The following NKAIN4 variants were observed in gnomAD, a reference collection of about 807,000 sequenced individuals.
The protein encoded by NKAIN4 is sodium/potassium-transporting ATPase subunit beta-1-interacting protein 4.
NKAIN4 carries 28 observed loss-of-function variants against 28.8 expected under a neutral mutation model. The ratio of observed to expected loss-of-function variants is 0.97; its 90% CI spans 0.72 to 1.33. The LOEUF (loss-of-function observed/expected upper bound fraction) is 1.33. Ranked by LOEUF, NKAIN4 falls within the 40% of genes most tolerant of loss-of-function variation. The probability of loss-of-function intolerance (pLI) is 0.00; values close to 1 mark genes in which losing one functional copy is unlikely to be tolerated. For missense variants in NKAIN4, 289 were observed against 277.2 expected, an observed-to-expected ratio of 1.04 and a Z score of -0.30; for synonymous variants, 122 against 115.6, an observed-to-expected ratio of 1.06 and a Z score of -0.36.
At position 63,247,562 on chromosome 20, in the gene NKAIN4, C is replaced by A. The variant is rs754541447; in HGVS notation, c.471+16G>T. The stretch of plus-strand genomic sequence containing the variant: ...TCAACCCATCCCCACCCGGGGGCCC[C>A]CTTCCCCACGCTCACCGCGATCAGG... On this transcript the variant is annotated intron_variant, in intron 4 of 6. Transcript: ENST00000370316. 107 of 1,546,352 alleles carry A rather than the reference C, an allele frequency of 6.9e-5. No individual in the cohort carries two copies. The highest frequency in any genetic ancestry group is 9.3e-5 in the Non-Finnish European group (106 of 1,144,490).
At chr20:63,243,039 C>A (rs920826937) in intron 5 of NKAIN4, among the ~76,000 whole-genome samples, 1 of 152,238 alleles carries the variant, frequency 6.6e-6, no homozygotes, top group African/African-American at 2.4e-5. Flanking sequence ...CCGTCATGTT[C>A]AGACCGATGG....
chr20:63,253,869 C>A (rs1293840527), intron 1 of NKAIN4: 1 of 152,980 alleles, frequency 6.5e-6, no homozygotes, highest in South Asian at 2.0e-4. Flanking sequence ...CCGGTTTGCT[C>A]GCGGGTGGGC....
rs2066776704 is a variant in NKAIN4 at position 63,242,625 on chromosome 20, T to C, written c.533-2A>G. The C allele has an allele frequency of 6.2e-7, 1 of 1,609,512 alleles. No individual in the cohort carries two copies. The highest frequency in any genetic ancestry group is 8.5e-7 in the Non-Finnish European group (1 of 1,176,350). On this transcript the variant is annotated splice_acceptor_variant, in intron 5 of 6. Coordinates refer to ENST00000370316, the MANE Select transcript of NKAIN4 (RefSeq NM_152864.4). LOFTEE classifies it high-confidence loss of function. The stretch of plus-strand genomic sequence containing the variant: ...GATCAAATCCACCAATGAAATCAAC[T>C]GAAAGAAATCAAGACCCAAATAAAA...
At chr20:63,246,051 C>G (rs954597568) in intron 4 of NKAIN4, among the ~76,000 whole-genome samples, 1 of 152,120 alleles carries the variant, frequency 6.6e-6, no homozygotes, top group Non-Finnish European at 1.5e-5. Flanking sequence ...CTTCAGCCTC[C>G]CGAGGAGCTG....
intron 1 of NKAIN4, among the ~76,000 whole-genome samples, chr20:63,253,647 C>G (rs964141188): frequency 1.6e-4 from 24 of 152,238 alleles, no homozygotes; most frequent in African/African-American, 5.3e-4. Flanking sequence ...GCCCCCTCCC[C>G]CGAGGGCACC....
chr20:63,243,709 C>G (rs2066803738), intron 5 of NKAIN4: 1 of 247,576 alleles, frequency 4.0e-6, no homozygotes, highest in South Asian at 1.1e-4. Flanking sequence ...CGGCCTGGAC[C>G]TGGGCAGTCT....
Position 63,247,652 on chromosome 20 carries a change from C to G in NKAIN4, c.397G>C (p.Val133Leu). 6.5e-7 allele frequency: 1 copy of G among 1,547,402 alleles called. No individual in the cohort carries two copies. Among genetic ancestry groups the G allele is most frequent in the Non-Finnish European group, 8.7e-7 (1 of 1,145,230 alleles). Residue 133 changes from valine to leucine, a missense_variant, in exon 4 of 7, where the codon GTG becomes CTG. Transcript: ENST00000370316. ...TCCAGGGCACAGCCAGCACCTGACA[C>G]CAGGGCCTGGCCATGGGGGGCCCCG... ...GLGAPHGQAL[V>L]SGAGCALEPS...
At chr20:63,254,302 C>G in intron 1 of NKAIN4, 95 bp downstream of exon 1, 3 of 1,021,570 alleles carry the variant, frequency 2.9e-6, no homozygotes, top group Non-Finnish European at 3.9e-6. Flanking sequence ...ACCCAGCGAA[C>G]GGGCCCCGGG....
upstream of NKAIN4, chr20:63,254,797 C>T (rs988799136): frequency 9.3e-6 from 2 of 215,338 alleles, no homozygotes; most frequent in African/African-American, 2.3e-5. Context: ...GACCGGCGTC[C>T]GCCCCCTCCT....
At position 63,251,358 on chromosome 20, in the gene NKAIN4, C is replaced by A. The variant is rs562308818; in HGVS notation, c.55-1286G>T. On this transcript the variant is annotated intron_variant, in intron 1 of 6. Transcript: ENST00000370316. ...GGTTAGGCCTCCGGATAACTGCGGG[C>A]GGGCCTGACTGATGTCAGGTCCTCC... Among the ~76,000 whole-genome samples, 36 of 152,286 alleles carry A rather than the reference C, an allele frequency of 2.4e-4. No individual in the cohort carries two copies. The South Asian group carries it at 7.0e-3, about 30-fold the overall frequency.
upstream of NKAIN4, chr20:63,254,522 C>A (rs1480732936): frequency 1.8e-6 from 2 of 1,140,674 alleles, no homozygotes; most frequent in African/African-American, 1.6e-5. Context: ...CCGCTCCCCA[C>A]GCGCCGCAGC....
chr20:63,247,938 T>C (rs1247646263), intron 3 of NKAIN4, among the ~76,000 whole-genome samples, 163 bp from the exon 4 acceptor site: 1 of 152,098 alleles, frequency 6.6e-6, no homozygotes, highest in Non-Finnish European at 1.5e-5. Context: ...CCAGCCATGG[T>C]GGGGAAAGGA....
chr20:63,250,574 G>A (rs1481472456), intron 1 of NKAIN4, among the ~76,000 whole-genome samples: 2 of 133,666 alleles, frequency 1.5e-5, no homozygotes, highest in East Asian at 2.0e-4. Context: ...CCTGCATCTC[G>A]GCCTTGGGGA....
In NKAIN4 at chr20:63,253,601, A is replaced by C. The variant is rs991764765; in HGVS notation, c.54+796T>G. 1.7e-5 allele frequency: 14 copies of C among 802,450 alleles called. No homozygotes were observed. The African/African-American group carries it at 2.2e-4, about 13-fold the overall frequency. The allele number at this position is 802,450 out of a possible 1,614,324, so 49.7% of individuals were successfully genotyped here. A position where few individuals can be genotyped will look rare whatever the true frequency, so the allele number is the denominator to read the frequency against. ...GGGCCAATTAGCATCGAAGCAAAGC[A>C]GCTTCCCCAGCCTGGACAGGCGAGG... On this transcript the variant is annotated intron_variant, in intron 1 of 6. Coordinates refer to ENST00000370316, the MANE Select transcript of NKAIN4 (RefSeq NM_152864.4).
chr20:63,246,122 G>C (rs1261587067), intron 4 of NKAIN4, among the ~76,000 whole-genome samples: 1 of 152,118 alleles, frequency 6.6e-6, no homozygotes, highest in South Asian at 2.1e-4. Context: ...TAGAGACAGG[G>C]TTTCACCGTG....
chr20:63,254,623 C>G, upstream of NKAIN4: 3 of 446,318 alleles, frequency 6.7e-6, no homozygotes, highest in Non-Finnish European at 1.1e-5. Context: ...CGCTGCGTCT[C>G]CCCTCCCACC....
chr20:63,241,523 A>G lies in NKAIN4; in HGVS notation c.618-17T>C, dbSNP rs757945076. On this transcript the variant is annotated splice_polypyrimidine_tract_variant and intron_variant, in intron 6 of 6. Transcript: ENST00000370316. ...TACGCAGGCCTGTGGGGACAAGGTC[A>G]GAGAGCACCTGGGGGAACAGGGCTG... 197 of 1,549,676 alleles carry G rather than the reference A, an allele frequency of 1.3e-4. No homozygotes were observed. Among genetic ancestry groups the G allele is most frequent in the Non-Finnish European group, 1.7e-4 (190 of 1,146,456 alleles).
chr20:63,254,606 A>T (rs2067019820), upstream of NKAIN4: 2 of 513,386 alleles, frequency 3.9e-6, no homozygotes, highest in African/African-American at 4.0e-5. Context: ...GCCCCGGGTA[A>T]CAGCTGCGCT....
upstream of NKAIN4, chr20:63,254,771 T>C (rs6062867): frequency 0.86 from 209,065 of 242,970 alleles, 90,174 homozygotes; most frequent in East Asian, 0.92. Flanking sequence ...GAGCCCGCCC[T>C]GGACGCGGCA....
Sources: gnomAD v4.1 joint callset for allele counts (sites outside exome capture counted in the v4.1 genomes callset) on GRCh38, gnomAD v4.1.1 for gene constraint, MANE v1.5 for transcripts, NCBI Gene and HGNC (gene_info 2026-07-23, HGNC 2026-07-21) for gene names.